Variants in PTPRM observed in about 807,000 individuals in gnomAD.
PTPRM encodes receptor-type tyrosine-protein phosphatase mu.
PTPRM carries 47 observed loss-of-function variants against 186.7 expected under a neutral mutation model. The observed-to-expected ratio is 0.25, with a 90% CI of 0.20 to 0.32. The LOEUF is 0.32. Ranked by LOEUF, PTPRM falls within the 10% of genes least tolerant of loss-of-function variation. PTPRM has a pLI of 1.00. For synonymous variants in PTPRM, 668 were observed against 674.9 expected, an observed-to-expected ratio of 0.99 and a Z score of 0.16; for missense variants, 1,494 against 1,865.0, an observed-to-expected ratio of 0.80 and a Z score of 3.66.
chr18:7,613,054 C>T (rs1285827488), intron 1 of PTPRM, among the ~76,000 whole-genome samples: 2 of 152,142 alleles, frequency 1.3e-5, no homozygotes, highest in Non-Finnish European at 2.9e-5. Context: ...ATCTGTGATT[C>T]AGTTGCCACT....
At chr18:7,867,880 G>A (rs2047791505) in intron 2 of PTPRM, among the ~76,000 whole-genome samples, 1 of 152,102 alleles carries the variant, frequency 6.6e-6, no homozygotes, top group African/African-American at 2.4e-5. Context: ...ATTTCTTGGA[G>A]GCTTTGTTTG....
chr18:7,829,975 A>G (rs1286361661), intron 2 of PTPRM, among the ~76,000 whole-genome samples: 1 of 152,138 alleles, frequency 6.6e-6, no homozygotes, highest in Non-Finnish European at 1.5e-5. Flanking sequence ...ATATTGTCCT[A>G]TAGTTTTTGG....
intron 2 of PTPRM, among the ~76,000 whole-genome samples, chr18:7,868,781 G>A (rs1047668532): frequency 6.6e-6 from 1 of 152,224 alleles, no homozygotes; most frequent in Non-Finnish European, 1.5e-5. Context: ...GTTTAAGTCT[G>A]CTGAAGCTGC....
chr18:8,207,468 A>C (rs1461962718), intron 14 of PTPRM, among the ~76,000 whole-genome samples: 2 of 152,226 alleles, frequency 1.3e-5, no homozygotes, highest in Non-Finnish European at 2.9e-5. Flanking sequence ...TGGTGACATA[A>C]ATAAATGATG....
chr18:8,279,715 G>A (rs1456988550), intron 19 of PTPRM, among the ~76,000 whole-genome samples: 1 of 152,186 alleles, frequency 6.6e-6, no homozygotes, highest in African/African-American at 2.4e-5. Flanking sequence ...CTATGGAGAG[G>A]ATGCTCAGAG....
chr18:8,304,198 G>A lies in PTPRM; in HGVS notation c.2842+7743G>A, dbSNP rs749112898. Among the ~76,000 whole-genome samples, 8 of 152,096 alleles carry A rather than the reference G, an allele frequency of 5.3e-5. No homozygotes were observed. In the South Asian group the frequency reaches 6.2e-4, roughly 12 times the overall value. On this transcript the variant is annotated intron_variant, in intron 20 of 32. Transcript: ENST00000580170. ...AACTGCATGACTATTGTCAATATCC[G>A]TCATGTTTAATATGGAAGTGTTAAA...
chr18:8,022,589 C>A (rs1368174485), intron 7 of PTPRM, among the ~76,000 whole-genome samples: 2 of 152,112 alleles, frequency 1.3e-5, no homozygotes, highest in Non-Finnish European at 2.9e-5. Context: ...CTCCACCCAC[C>A]GTTATTAAAT....
At chr18:7,866,786 G>A (rs964820539) in intron 2 of PTPRM, among the ~76,000 whole-genome samples, 7 of 152,150 alleles carry the variant, frequency 4.6e-5, no homozygotes, top group South Asian at 2.1e-4. Flanking sequence ...TGACAGTGGG[G>A]TGTTAAAGTC....
At chr18:8,371,434 T>C (rs556132819) in intron 24 of PTPRM, among the ~76,000 whole-genome samples, 4 of 152,286 alleles carry the variant, frequency 2.6e-5, no homozygotes, top group African/African-American at 9.6e-5. Flanking sequence ...TCCTAACTCC[T>C]CCTGGAATCT....
At chr18:8,266,849 A>T (rs2094706869) in intron 19 of PTPRM, among the ~76,000 whole-genome samples, 1 of 152,096 alleles carries the variant, frequency 6.6e-6, no homozygotes, top group Admixed American at 6.6e-5. Flanking sequence ...CGGAGGTTGC[A>T]GTGAGCCGAG....
intron 16 of PTPRM, 34 bp downstream of exon 16, chr18:8,247,953 T>C: frequency 6.6e-7 from 1 of 1,508,474 alleles, no homozygotes; most frequent in South Asian, 1.1e-5. Context: ...CTCTCTGCTC[T>C]CTCCTCAGCA....
At chr18:8,009,168 G>C (rs2084368275) in intron 7 of PTPRM, among the ~76,000 whole-genome samples, 2 of 152,178 alleles carry the variant, frequency 1.3e-5, no homozygotes, top group South Asian at 4.1e-4. Context: ...TGTGTGCTGG[G>C]TGAGAATTAA....
At chr18:7,758,250 G>C (rs2041602355) in intron 1 of PTPRM, among the ~76,000 whole-genome samples, 1 of 152,180 alleles carries the variant, frequency 6.6e-6, no homozygotes, top group Non-Finnish European at 1.5e-5. Context: ...GCTCTGTTCA[G>C]ATACTCAAAG....
intron 13 of PTPRM, among the ~76,000 whole-genome samples, chr18:8,136,171 T>C (rs1308652167): frequency 6.6e-6 from 1 of 152,218 alleles, no homozygotes; most frequent in Admixed American, 6.5e-5. Context: ...TCAAGAATCA[T>C]CTGTTTTGGA....
chr18:7,683,204 C>T (rs1017786279), intron 1 of PTPRM, among the ~76,000 whole-genome samples: 3 of 139,502 alleles, frequency 2.2e-5, no homozygotes, highest in Admixed American at 7.6e-5. Context: ...CTTGCTCTGT[C>T]GCCTAGACTA....
At chr18:7,866,835 G>A (rs889038179) in intron 2 of PTPRM, among the ~76,000 whole-genome samples, 2 of 152,104 alleles carry the variant, frequency 1.3e-5, no homozygotes, top group Admixed American at 6.6e-5. Context: ...TCTCTTTATA[G>A]GTCTCTGTGA....
intron 7 of PTPRM, among the ~76,000 whole-genome samples, chr18:7,976,530 G>T (rs1568113459): frequency 6.6e-6 from 1 of 152,178 alleles, no homozygotes. Context: ...GAGGGCAGGG[G>T]ATTGTGGGGA....
intron 1 of PTPRM, among the ~76,000 whole-genome samples, chr18:7,664,361 C>A (rs780285667): frequency 6.6e-6 from 1 of 152,208 alleles, no homozygotes; most frequent in Non-Finnish European, 1.5e-5. Context: ...ACCTAAAGAA[C>A]ACATATTCAC....
intron 22 of PTPRM, among the ~76,000 whole-genome samples, chr18:8,342,688 G>A (rs2095481673): frequency 6.6e-6 from 1 of 152,058 alleles, no homozygotes; most frequent in Non-Finnish European, 1.5e-5. Flanking sequence ...TCGAGTTTGG[G>A]TTTTTTTAAA....
Sources: gnomAD v4.1 joint callset for allele counts (sites outside exome capture counted in the v4.1 genomes callset) on GRCh38, gnomAD v4.1.1 for gene constraint, MANE v1.5 for transcripts, NCBI Gene and HGNC (gene_info 2026-07-23, HGNC 2026-07-21) for gene names.